Variants in PARD3B observed in about 807,000 individuals in gnomAD.
PARD3B encodes par-3 family cell polarity regulator beta, also known as partitioning defective 3 homolog B.
PARD3B carries 103 observed loss-of-function variants against 130.2 expected under a neutral mutation model. The ratio of observed to expected loss-of-function variants is 0.79; its 90% CI spans 0.67 to 0.93. The LOEUF (loss-of-function observed/expected upper bound fraction) is 0.93. PARD3B is among the 40% of genes least tolerant of loss of function. The pLI is 0.00. For missense variants in PARD3B, 1,609 were observed against 1,499.2 expected, an observed-to-expected ratio of 1.07 and a Z score of -1.21; for synonymous variants, 583 against 553.2, an observed-to-expected ratio of 1.05 and a Z score of -0.76.
chr2:205,250,966 C>T (rs1268768477), intron 16 of PARD3B, among the ~76,000 whole-genome samples: 1 of 152,108 alleles, frequency 6.6e-6, no homozygotes. Flanking sequence ...AACTTGACCT[C>T]TCAGCTGGTA....
At chr2:204,643,124 A>AAAAAAAAAAAAAAAAAAT (rs2035147926) in intron 1 of PARD3B, among the ~76,000 whole-genome samples, 1 of 142,292 alleles carries the variant, frequency 7.0e-6, no homozygotes, top group Non-Finnish European at 1.5e-5. Context: ...ACAAAAAAAA[A>AAAAAAAAAAAAAAAAAAT]AAAAAAAAAA....
chr2:205,397,937 G>A lies in PARD3B; in HGVS notation c.2631-3076G>A, dbSNP rs1398638839. On this transcript the variant is annotated intron_variant, in intron 18 of 22. Coordinates refer to ENST00000406610, the MANE Select transcript of PARD3B (RefSeq NM_001302769.2). This position sits in a 1 kb window ranked among gnomAD's most constrained non-coding sequence, Gnocchi z 4.8. The stretch of plus-strand genomic sequence containing the variant: ...AATGTATTCATGAAAACATTATTTA[G>A]CTATCTCCTGCTTTGTAGGTTAAGG... Among the ~76,000 whole-genome samples, 2 of 152,114 alleles carry A rather than the reference G, an allele frequency of 1.3e-5. No homozygotes were observed. The highest frequency in any genetic ancestry group is 4.8e-5 in the African/African-American group (2 of 41,410).
chr2:205,615,569 G>T lies in PARD3B; in HGVS notation c.3374G>T (p.Ser1125Ile), dbSNP rs1322141969. 3.1e-6 allele frequency: 5 copies of T among 1,614,028 alleles called. No homozygotes were observed. The highest frequency in any genetic ancestry group is 4.2e-6 in the Non-Finnish European group (5 of 1,180,008). The change falls in exon 23 of 23, where the codon AGC becomes ATC. Residue 1125 changes from serine to isoleucine, a missense_variant. By Grantham distance (142) the Ser-to-Ile change is moderately radical. Coordinates refer to ENST00000406610, the MANE Select transcript of PARD3B (RefSeq NM_001302769.2). ...GAHPMHPPKGSYPRPTELRVA... is the reference protein window; with the variant it reads ...GAHPMHPPKGIYPRPTELRVA... ...CATCCTATGCACCCTCCCAAAGGGA[G>T]CTATCCCCGCCCCACAGAGCTCAGG... is the stretch of plus-strand genomic sequence containing the variant.
Position 205,158,371 on chromosome 2 carries a change from C to T in PARD3B, c.1435-351C>T, listed in dbSNP as rs1380735830. ...TTATCTCTAAGATCTCTTCTGATACCCAGGGCACCCTAAGTCTAATGTCCA... is the reference window on the plus strand; with the variant it reads ...TTATCTCTAAGATCTCTTCTGATACTCAGGGCACCCTAAGTCTAATGTCCA... On this transcript the variant is annotated intron_variant, in intron 10 of 22. Coordinates refer to ENST00000406610, the MANE Select transcript of PARD3B (RefSeq NM_001302769.2). The surrounding 1 kb of genome is among the most constrained non-coding windows in gnomAD (Gnocchi z 5.4). Among the ~76,000 whole-genome samples, 3 of 152,122 alleles carry T rather than the reference C, an allele frequency of 2.0e-5. No homozygotes were observed. The highest frequency in any genetic ancestry group is 2.0e-4 in the Admixed American group (3 of 15,280).
At chr2:205,614,472 G>C (rs1438059364) in intron 22 of PARD3B, among the ~76,000 whole-genome samples, 4 of 152,124 alleles carry the variant, frequency 2.6e-5, no homozygotes, top group African/African-American at 9.7e-5. Context: ...GGGATGCCGA[G>C]CCAGGCAGAT....
At chr2:205,057,718 T>C (rs529962245) in intron 4 of PARD3B, among the ~76,000 whole-genome samples, 90 of 105,228 alleles carry the variant, frequency 8.6e-4, no homozygotes, top group Non-Finnish European at 3.4e-4. Flanking sequence ...TGTGTATACG[T>C]ATATATACAT....
chr2:205,519,299 G>A (rs1361335451), intron 21 of PARD3B, among the ~76,000 whole-genome samples: 1 of 151,866 alleles, frequency 6.6e-6, no homozygotes. Flanking sequence ...CTCTACTTTT[G>A]TCTGACTGTC....
At chr2:205,098,422 G>T (rs1019222547) in intron 4 of PARD3B, among the ~76,000 whole-genome samples, 1 of 152,112 alleles carries the variant, frequency 6.6e-6, no homozygotes, top group African/African-American at 2.4e-5. Context: ...CTTATTGATA[G>T]ACAGGACCGC....
intron 18 of PARD3B, among the ~76,000 whole-genome samples, chr2:205,370,460 T>C (rs201229622): frequency 6.6e-6 from 1 of 152,276 alleles, no homozygotes; most frequent in South Asian, 2.1e-4. Flanking sequence ...ATGGCACCCA[T>C]ATCCTGGACC....
chr2:204,960,925 A>C (rs1415535747), intron 2 of PARD3B, among the ~76,000 whole-genome samples: 1 of 152,224 alleles, frequency 6.6e-6, no homozygotes, highest in Non-Finnish European at 1.5e-5. Flanking sequence ...TTGATTAAAG[A>C]TCTGAAAGAT....
intron 22 of PARD3B, among the ~76,000 whole-genome samples, chr2:205,574,127 A>G (rs1423173275): frequency 6.6e-6 from 1 of 152,242 alleles, no homozygotes; most frequent in Non-Finnish European, 1.5e-5. Flanking sequence ...GTGCAGCAAA[A>G]GTCATTTTTA....
At chr2:205,030,265 T>A (rs936106620) in intron 3 of PARD3B, among the ~76,000 whole-genome samples, 1 of 152,140 alleles carries the variant, frequency 6.6e-6, no homozygotes. Flanking sequence ...CACTGTACTC[T>A]GACTGTTTGT....
chr2:204,841,581 C>G (rs2044261153), intron 2 of PARD3B, among the ~76,000 whole-genome samples: 1 of 152,062 alleles, frequency 6.6e-6, no homozygotes, highest in African/African-American at 2.4e-5. Context: ...GATTTTATAT[C>G]TGAAGATGCA....
At chr2:205,536,817 G>T (rs1166217680) in intron 21 of PARD3B, among the ~76,000 whole-genome samples, 1 of 152,172 alleles carries the variant, frequency 6.6e-6, no homozygotes, top group Non-Finnish European at 1.5e-5. Flanking sequence ...TCTCAGGTCA[G>T]TGCCCCTGGG....
chr2:204,556,139 A>C (rs2030907970), intron 1 of PARD3B, among the ~76,000 whole-genome samples: 1 of 152,226 alleles, frequency 6.6e-6, no homozygotes, highest in African/African-American at 2.4e-5. Context: ...TTTACCATGC[A>C]TCCATCACCA....
At chr2:205,185,713 C>T (rs755181134) in intron 13 of PARD3B, 51 bp from the exon 14 acceptor site, 10 of 1,497,668 alleles carry the variant, frequency 6.7e-6, no homozygotes, top group Admixed American at 3.4e-5. Context: ...AACCAGGCAT[C>T]GAATGGTTCT....
At chr2:204,683,457 G>A (rs181099306) in intron 1 of PARD3B, among the ~76,000 whole-genome samples, 64 of 152,242 alleles carry the variant, frequency 4.2e-4, no homozygotes, top group African/African-American at 1.4e-3. Context: ...CAATGTAATG[G>A]TTGAAATTTT....
intron 22 of PARD3B, among the ~76,000 whole-genome samples, chr2:205,571,882 T>G (rs1395517903): frequency 1.3e-5 from 2 of 152,094 alleles, no homozygotes; most frequent in African/African-American, 2.4e-5. Context: ...ACTTTATGCA[T>G]AGGAAGAAAG....
At chr2:205,419,062 C>T (rs1172464244) in intron 19 of PARD3B, among the ~76,000 whole-genome samples, 6 of 152,044 alleles carry the variant, frequency 3.9e-5, no homozygotes, top group Non-Finnish European at 5.9e-5. Context: ...AATATATATA[C>T]ATACAGTAAT....
Sources: allele counts gnomAD v4.1 joint callset (sites outside exome capture counted in the v4.1 genomes callset), GRCh38; gene constraint gnomAD v4.1.1; non-coding constraint Gnocchi (gnomAD v3.1); transcripts MANE v1.5; gene names NCBI Gene and HGNC (gene_info 2026-07-23, HGNC 2026-07-21).